The following POTEE variants were observed in gnomAD, a reference collection of about 807,000 sequenced individuals.
The protein encoded by POTEE is POTE ankyrin domain family member E.
POTEE carries 21 observed loss-of-function variants against 74.2 expected under a neutral mutation model. The ratio of observed to expected loss-of-function variants is 0.28; its 90% CI spans 0.20 to 0.41. POTEE has a LOEUF of 0.41. Ranked by LOEUF, POTEE falls within the 10% of genes least tolerant of loss-of-function variation. The probability of loss-of-function intolerance (pLI) is 1.00; values close to 1 mark genes in which losing one functional copy is unlikely to be tolerated. For missense variants in POTEE, 525 were observed against 1,158.6 expected, an observed-to-expected ratio of 0.45 and a Z score of 7.94; for synonymous variants, 211 against 432.8, an observed-to-expected ratio of 0.49 and a Z score of 6.36.
Position 131,225,672 on chromosome 2 carries a change from G to T in POTEE, c.811-1151G>T, listed in dbSNP as rs868749976. On this transcript the variant is annotated intron_variant, in intron 6 of 17. Transcript: ENST00000683005. The stretch of plus-strand genomic sequence containing the variant: ...GCCTCGACCTCTCCAAGCTCAGATG[G>T]TCCTCCAACCTCAGTTTTTTTTTTT... Among the ~76,000 whole-genome samples the T allele has an allele frequency of 9.5e-3, 1,400 of 147,362 alleles. 10 individuals are homozygous for T. The highest frequency in any genetic ancestry group is 0.033 in the African/African-American group (1,299 of 39,276).
chr2:131,235,809 A>AG (rs1433924829), intron 9 of POTEE, among the ~76,000 whole-genome samples: 3 of 151,538 alleles, frequency 2.0e-5, no homozygotes, highest in Non-Finnish European at 2.9e-5. Flanking sequence ...AAAAAAAAAA[A>AG]AAAAGAAAGA....
At chr2:131,211,784 C>G (rs1231957530) in intron 2 of POTEE, among the ~76,000 whole-genome samples, 2 of 151,330 alleles carry the variant, frequency 1.3e-5, no homozygotes, top group Non-Finnish European at 2.9e-5. Context: ...TCTAGATCAC[C>G]TGACCTCATG....
chr2:131,230,754 C>A, intron 8 of POTEE, 82 bp from the exon 9 acceptor site: 1 of 1,505,814 alleles, frequency 6.6e-7, no homozygotes, highest in Non-Finnish European at 9.0e-7. Flanking sequence ...GTTTGAAATA[C>A]TCTTAATAAT....
intron 4 of POTEE, among the ~76,000 whole-genome samples, chr2:131,221,258 C>A (rs1209607521): frequency 2.6e-5 from 4 of 152,090 alleles, no homozygotes; most frequent in African/African-American, 9.6e-5. Flanking sequence ...TTCAGTGCAT[C>A]CATAGGATGG....
At chr2:131,229,903 A>G (rs76986152) in intron 8 of POTEE, among the ~76,000 whole-genome samples, 1 of 152,160 alleles carries the variant, frequency 6.6e-6, no homozygotes, top group Non-Finnish European at 1.5e-5. Context: ...GTTAGTATGT[A>G]TGTCGAAAAT....
chr2:131,223,478 A>G (rs1341059742), intron 4 of POTEE, 118 bp from the exon 5 acceptor site: 1 of 852,688 alleles, frequency 1.2e-6, no homozygotes, highest in African/African-American at 1.8e-5. Flanking sequence ...GGAAAGTTAA[A>G]TGTTTGTTTT....
intron 9 of POTEE, among the ~76,000 whole-genome samples, chr2:131,236,305 A>G (rs1701131657): frequency 6.6e-6 from 1 of 152,094 alleles, no homozygotes; most frequent in Non-Finnish European, 1.5e-5. Flanking sequence ...CTTCTCAGGC[A>G]GGGTCACCAC....
rs1474149728 is a variant in POTEE, at chr2:131,223,688, A to G, written c.614A>G (p.Lys205Arg). 1 of 1,611,140 alleles carries G rather than the reference A, an allele frequency of 6.2e-7. No homozygotes were observed. The highest frequency in any genetic ancestry group is 8.5e-7 in the Non-Finnish European group (1 of 1,179,866). The change falls in exon 5 of 18, where the codon AAA becomes AGA. Residue 205 changes from lysine (K) to arginine (R), a missense_variant. By Grantham distance (26) the Lys-to-Arg change is conservative. Transcript: ENST00000683005. Reference protein sequence around the residue: ...RRCQLNVLDNKKRTALIKAVQ... With the variant: ...RRCQLNVLDNRKRTALIKAVQ... The stretch of plus-strand genomic sequence containing the variant: ...TGTCAACTTAATGTCCTTGACAACA[A>G]AAAGAGGACAGCTCTGATAAAGGTA...
In POTEE at chr2:131,218,765, A is replaced by G. The variant is rs1700520567; in HGVS notation, c.363A>G (p.Gly121=). Residue 121 remains glycine, a synonymous_variant, in exon 4 of 18, where the codon GGA becomes GGG. Coordinates refer to ENST00000683005, the MANE Select transcript of POTEE (RefSeq NM_001083538.3). ...GSGKSKVGAW[G]DYDDSAFMEP... is the part of the protein sequence containing the mutation. ...GCAAGAGCAAGGTGGGCGCTTGGGG[A>G]GACTACGATGACAGCGCCTTCATGG... 5.6e-6 allele frequency: 9 copies of G among 1,612,836 alleles called. No homozygotes were observed. Among genetic ancestry groups the G allele is most frequent in the Non-Finnish European group, 5.1e-6 (6 of 1,179,794 alleles).
At chr2:131,216,219 T>C (rs1302747199) in intron 2 of POTEE, among the ~76,000 whole-genome samples, 13 of 150,712 alleles carry the variant, frequency 8.6e-5, no homozygotes, top group African/African-American at 3.0e-4. Context: ...AGTCCTATAT[T>C]TGTCAACTGA....
intron 10 of POTEE, among the ~76,000 whole-genome samples, chr2:131,237,214 G>A (rs541368089): frequency 9.4e-5 from 14 of 149,420 alleles, no homozygotes; most frequent in Admixed American, 2.7e-4. Context: ...ATTGGATTAT[G>A]TTATTAAGCA....
chr2:131,209,956 GGA>G (rs1440853639), intron 1 of POTEE, among the ~76,000 whole-genome samples, 137 bp downstream of exon 1: 8 of 146,180 alleles, frequency 5.5e-5, no homozygotes, highest in Admixed American at 1.3e-4. Flanking sequence ...TGCTGGCGGT[GGA>G]GGGGGGCGGT....
chr2:131,264,256 C>G lies in POTEE; in HGVS notation c.2801C>G (p.Ser934Cys). The change falls in exon 18 of 18, where the codon TCC becomes TGC. Residue 934 changes from serine (S) to cysteine (C), a missense_variant. Ser to Cys is a moderately radical substitution (Grantham distance 112). Transcript: ENST00000683005. ...GAGATGGCCACGGCGGCCTCCAGCTCCTCCCTAGAGAAGAGCTACGAGCTG... is the reference window on the plus strand; with the variant it reads ...GAGATGGCCACGGCGGCCTCCAGCTGCTCCCTAGAGAAGAGCTACGAGCTG... ...EQEMATAASS[S>C]SLEKSYELPD... The G allele has an allele frequency of 6.2e-7, 1 of 1,614,244 alleles. No homozygotes were observed. The highest frequency in any genetic ancestry group is 8.5e-7 in the Non-Finnish European group (1 of 1,180,046).
chr2:131,214,295 C>G (rs975425441), intron 2 of POTEE, among the ~76,000 whole-genome samples: 22 of 152,132 alleles, frequency 1.4e-4, no homozygotes, highest in Non-Finnish European at 2.9e-4. Context: ...GGAGAGAGAT[C>G]TAAAGAAAAT....
chr2:131,210,470 G>A (rs1438766972), intron 1 of POTEE, among the ~76,000 whole-genome samples: 1 of 151,606 alleles, frequency 6.6e-6, no homozygotes, highest in Non-Finnish European at 1.5e-5. Context: ...GTGTTGGTCG[G>A]CTGCAGAGGT....
At chr2:131,215,345 T>A (rs772430252) in intron 2 of POTEE, among the ~76,000 whole-genome samples, 4 of 152,216 alleles carry the variant, frequency 2.6e-5, no homozygotes, top group Non-Finnish European at 5.9e-5. Flanking sequence ...GGATTATTTT[T>A]ATACACTACA....
At position 131,260,233 on chromosome 2, in the gene POTEE, T is replaced by C. The variant is rs527723097; in HGVS notation, c.1779-1493T>C. On this transcript the variant is annotated intron_variant, in intron 16 of 17. Coordinates refer to ENST00000683005, the MANE Select transcript of POTEE (RefSeq NM_001083538.3). ...TGTTACTGTGGTCTTAGAGTATCAT[T>C]TGAAGTCAGGTAATGTGATGCCAAC... Among the ~76,000 whole-genome samples, 66 of 150,166 alleles carry C rather than the reference T, an allele frequency of 4.4e-4. 3 individuals are homozygous for C. The highest frequency in any genetic ancestry group is 1.4e-3 in the African/African-American group (57 of 39,620).
At chr2:131,229,435 A>G in intron 8 of POTEE, among the ~76,000 whole-genome samples, 1 of 152,200 alleles carries the variant, frequency 6.6e-6, no homozygotes, top group Non-Finnish European at 1.5e-5. Flanking sequence ...ATGATAATGA[A>G]AATTGTCGGA....
chr2:131,221,889 C>G (rs1700629902), intron 4 of POTEE, among the ~76,000 whole-genome samples: 1 of 152,216 alleles, frequency 6.6e-6, no homozygotes, highest in South Asian at 2.1e-4. Flanking sequence ...TGTGTTCATC[C>G]ATTCTTTCAA....
Sources: gnomAD v4.1 joint callset for allele counts (sites outside exome capture counted in the v4.1 genomes callset) on GRCh38, gnomAD v4.1.1 for gene constraint, MANE v1.5 for transcripts, NCBI Gene and HGNC (gene_info 2026-07-23, HGNC 2026-07-21) for gene names.